MFHAS1: variants seen among roughly 807,000 people sequenced by gnomAD.
MFHAS1 encodes malignant fibrous histiocytoma-amplified sequence 1.
A neutral mutation model predicts 70.4 loss-of-function variants in MFHAS1; 50 were observed. The observed-to-expected ratio is 0.71, with a 90% confidence interval of 0.57 to 0.90. The LOEUF (loss-of-function observed/expected upper bound fraction) is 0.90. Ranked by LOEUF, MFHAS1 falls within the 40% of genes least tolerant of loss-of-function variation. The pLI is 0.00. For missense variants in MFHAS1, 1,795 were observed against 1,347.6 expected (o/e 1.33, Z -5.20); for synonymous variants, 952 against 620.0 (o/e 1.54, Z -7.96).
intron 1 of MFHAS1, among the ~76,000 whole-genome samples, chr8:8,800,187 T>C (rs1233433249): frequency 6.6e-6 from 1 of 152,240 alleles, no homozygotes; most frequent in Non-Finnish European, 1.5e-5. Flanking sequence ...CATTTTTATA[T>C]AGTGTCGCAC....
intron 1 of MFHAS1, among the ~76,000 whole-genome samples, chr8:8,828,375 C>A (rs1415874334): frequency 6.6e-6 from 1 of 152,202 alleles, no homozygotes; most frequent in East Asian, 1.9e-4. Context: ...GGAGGCAGAA[C>A]ACATGCCAAG....
chr8:8,810,800 C>T (rs1427460789), intron 1 of MFHAS1, among the ~76,000 whole-genome samples: 3 of 152,158 alleles, frequency 2.0e-5, no homozygotes, highest in African/African-American at 7.2e-5. Flanking sequence ...CCCTAAACCC[C>T]GAGTTGTTCA....
chr8:8,816,594 T>C (rs933009232), intron 1 of MFHAS1, among the ~76,000 whole-genome samples: 3 of 152,188 alleles, frequency 2.0e-5, no homozygotes, highest in African/African-American at 7.2e-5. Flanking sequence ...TACTGTATTG[T>C]TGGTAAAAGA....
At chr8:8,849,981 A>T (rs1236554636) in intron 1 of MFHAS1, among the ~76,000 whole-genome samples, 1 of 152,252 alleles carries the variant, frequency 6.6e-6, no homozygotes, top group Non-Finnish European at 1.5e-5. Context: ...TCAGGAAAGC[A>T]AAGGAATTTA....
chr8:8,817,101 T>TA lies in MFHAS1; in HGVS notation c.2999-19611dup, dbSNP rs1332980593. Among the ~76,000 whole-genome samples, 7 of 152,278 alleles carry TA rather than the reference T, an allele frequency of 4.6e-5. No individual in the cohort carries two copies. The East Asian group carries it at 1.2e-3, about 25-fold the overall frequency. ...AGATCAGGACACTGGCTGCTTTCAG[T>TA]ATAGAAGCACACAGCAATCTAGTGG... On this transcript the variant is annotated intron_variant, in intron 1 of 2. Coordinates refer to ENST00000276282, the MANE Select transcript of MFHAS1 (RefSeq NM_004225.3).
At chr8:8,859,303 C>G (rs28642109) in intron 1 of MFHAS1, among the ~76,000 whole-genome samples, 1,798 of 152,238 alleles carry the variant, frequency 0.012, 44 homozygotes, top group South Asian at 0.058. Context: ...AAGATCACAC[C>G]ACTGCACTCT....
intron 1 of MFHAS1, among the ~76,000 whole-genome samples, chr8:8,873,154 T>A (rs1396669803): frequency 6.6e-6 from 1 of 152,246 alleles, no homozygotes; most frequent in Non-Finnish European, 1.5e-5. Context: ...CTATTTTTAG[T>A]TCTTCCACAT....
chr8:8,890,731 G>C lies in MFHAS1; in HGVS notation c.2328C>G (p.Ser776Arg). ...SSPPMARSTPSQELLRATQLH... is the reference protein window; with the variant it reads ...SSPPMARSTPRQELLRATQLH... The stretch of plus-strand genomic sequence containing the variant: ...GCTGGGTGGCCCGGAGCAGTTCCTG[G>C]CTGGGGGTGGACCGCGCCATGGGCG... The change falls in exon 1 of 3, where the codon AGC (serine) becomes AGG (arginine). Residue 776 changes from serine (S) to arginine (R), a missense_variant. Ser to Arg is a moderately radical substitution (Grantham distance 110, BLOSUM62 -1). Coordinates refer to ENST00000276282, the MANE Select transcript of MFHAS1 (RefSeq NM_004225.3). The C allele has an allele frequency of 6.2e-7, 1 of 1,613,680 alleles. No individual in the cohort carries two copies. The highest frequency in any genetic ancestry group is 8.5e-7 in the Non-Finnish European group (1 of 1,179,806).
chr8:8,882,565 T>C (rs144743814), intron 1 of MFHAS1, among the ~76,000 whole-genome samples: 4,539 of 152,042 alleles, frequency 0.03, 141 homozygotes, highest in East Asian at 0.15. Context: ...TGAGCTGAGA[T>C]CGCGCCATTG....
chr8:8,832,192 GA>G (rs752717546), intron 1 of MFHAS1, among the ~76,000 whole-genome samples: 7 of 137,854 alleles, frequency 5.1e-5, no homozygotes, highest in African/African-American at 1.1e-4. Flanking sequence ...CAGAAAGAAA[GA>G]AAAAAAAAAG....
At chr8:8,816,592 T>C (rs1248312746) in intron 1 of MFHAS1, among the ~76,000 whole-genome samples, 1 of 152,204 alleles carries the variant, frequency 6.6e-6, no homozygotes, top group Non-Finnish European at 1.5e-5. Flanking sequence ...CTTACTGTAT[T>C]GTTGGTAAAA....
chr8:8,850,339 T>C (rs1585051006), intron 1 of MFHAS1, among the ~76,000 whole-genome samples: 1 of 152,164 alleles, frequency 6.6e-6, no homozygotes, highest in Admixed American at 6.5e-5. Flanking sequence ...TTATTAAATG[T>C]TTAATAGCAC....
Position 8,891,093 on chromosome 8 carries a change from G to C in MFHAS1, c.1966C>G (p.His656Asp), listed in dbSNP as rs139956353. ...TGCCAGGATCGAGGCAGTACTCTGTGTAAGTTGGGGAAGATCTCTCGGTGC... is the reference window on the plus strand; with the variant it reads ...TGCCAGGATCGAGGCAGTACTCTGTCTAAGTTGGGGAAGATCTCTCGGTGC... ...AEHREIFPNL[H>D]RVLPRSWQVL... The change falls in exon 1 of 3, where the codon CAC (histidine) becomes GAC (aspartate). Residue 656 changes from histidine (H) to aspartate (D), a missense_variant. By Grantham distance (81) the His-to-Asp change is moderately conservative. Transcript: ENST00000276282. The surrounding 1 kb of genome is among the most constrained non-coding windows in gnomAD (Gnocchi z 5.4). The C allele has an allele frequency of 1.2e-6, 2 of 1,613,822 alleles. No homozygotes were observed. The highest frequency in any genetic ancestry group is 1.7e-6 in the Non-Finnish European group (2 of 1,180,006).
chr8:8,866,052 G>T (rs1808843547), intron 1 of MFHAS1, among the ~76,000 whole-genome samples: 1 of 152,206 alleles, frequency 6.6e-6, no homozygotes, highest in African/African-American at 2.4e-5. Context: ...TTTCCCTGGG[G>T]ATTTGGCTGG....
Position 8,893,520 on chromosome 8 carries a change from C to T in MFHAS1, c.-462G>A, listed in dbSNP as rs1810186587. On this transcript the variant is annotated 5_prime_UTR_variant, in exon 1 of 3. Coordinates refer to ENST00000276282, the MANE Select transcript of MFHAS1 (RefSeq NM_004225.3). ...GCATGCTGCGGGCGCAGGGCTGGGG[C>T]GCAGCCGCGGGGAGGGGGCGGCGGC... 6.9e-6 allele frequency: 1 copy of T among 144,992 alleles called. No individual in the cohort carries two copies. Among genetic ancestry groups the T allele is most frequent in the Non-Finnish European group, 1.5e-5 (1 of 65,262 alleles). 9.0% of individuals were successfully genotyped at this position (144,992 alleles called of 1,614,324 possible). A position where few individuals can be genotyped will look rare whatever the true frequency, so the allele number is the denominator to read the frequency against.
chr8:8,789,103 A>G (rs1202942769), intron 2 of MFHAS1, among the ~76,000 whole-genome samples: 1 of 151,088 alleles, frequency 6.6e-6, no homozygotes, highest in Non-Finnish European at 1.5e-5. Flanking sequence ...ACTCAGTCAC[A>G]GGAACCTTGG....
rs141460991 is a variant in MFHAS1 at position 8,819,338 on chromosome 8, G to A, written c.2999-21847C>T. ...ATCCAAGAATTGGCCGGGTGCGGTGGCTCACGCCTGTAATCCCAGCACTTT... is the reference window on the plus strand; with the variant it reads ...ATCCAAGAATTGGCCGGGTGCGGTGACTCACGCCTGTAATCCCAGCACTTT... On this transcript the variant is annotated intron_variant, in intron 1 of 2. Coordinates refer to ENST00000276282, the MANE Select transcript of MFHAS1 (RefSeq NM_004225.3). 3.9e-3 allele frequency among the ~76,000 whole-genome samples: 597 copies of A among 152,232 alleles called. 4 individuals carry two copies. The highest frequency in any genetic ancestry group is 0.014 in the African/African-American group (563 of 41,536).
chr8:8,884,686 A>C (rs1585072526), intron 1 of MFHAS1, among the ~76,000 whole-genome samples: 1 of 152,116 alleles, frequency 6.6e-6, no homozygotes, highest in Non-Finnish European at 1.5e-5. Context: ...GTTCTCAGGC[A>C]GGGCATGGTG....
At chr8:8,857,190 T>C (rs536678250) in intron 1 of MFHAS1, among the ~76,000 whole-genome samples, 35 of 152,172 alleles carry the variant, frequency 2.3e-4, no homozygotes, top group African/African-American at 8.2e-4. Flanking sequence ...GCAATAAAGA[T>C]TTAAACAGAA....
Sources: gnomAD v4.1 joint callset for allele counts (sites outside exome capture counted in the v4.1 genomes callset) on GRCh38, gnomAD v4.1.1 for gene constraint, Gnocchi (gnomAD v3.1) non-coding constraint, MANE v1.5 for transcripts, NCBI Gene and HGNC (gene_info 2026-07-23, HGNC 2026-07-21) for gene names.